Variants in ELMO1 observed in about 807,000 individuals in gnomAD.
The protein encoded by ELMO1 is engulfment and cell motility 1, also known as engulfment and cell motility protein 1.
In ELMO1, 26 loss-of-function variants were observed where a neutral mutation model predicts 98.9. The ratio of observed to expected loss-of-function variants is 0.26; its 90% CI spans 0.19 to 0.36. The LOEUF (loss-of-function observed/expected upper bound fraction) is 0.36, where lower values mean the gene tolerates loss of function less well. Among genes scored for constraint, ELMO1 ranks in the 10% least tolerant of loss-of-function variants. The pLI, the probability that ELMO1 is intolerant of heterozygous loss-of-function variation, is 1.00. For missense variants in ELMO1, 627 were observed against 935.2 expected (o/e 0.67, Z 4.30); for synonymous variants, 346 against 346.0 (o/e 1.00, Z 0.00).
At chr7:37,430,619 T>A (rs1804891996) in intron 1 of ELMO1, among the ~76,000 whole-genome samples, 1 of 152,250 alleles carries the variant, frequency 6.6e-6, no homozygotes, top group South Asian at 2.1e-4. Context: ...AGCTCACCGG[T>A]GTCTCCTAAT....
chr7:36,900,439 C>T (rs1270443355), intron 16 of ELMO1, among the ~76,000 whole-genome samples: 2 of 152,206 alleles, frequency 1.3e-5, no homozygotes, highest in Non-Finnish European at 1.5e-5. Flanking sequence ...CACCTTTGAT[C>T]TGTAGATTGA....
chr7:36,996,554 C>G (rs1232423073), intron 16 of ELMO1, among the ~76,000 whole-genome samples: 2 of 152,124 alleles, frequency 1.3e-5, no homozygotes, highest in Non-Finnish European at 2.9e-5. Flanking sequence ...AGCATTGCCT[C>G]AAGGTAGCCA....
chr7:37,031,304 T>C (rs1019806329), intron 15 of ELMO1, among the ~76,000 whole-genome samples: 4 of 152,162 alleles, frequency 2.6e-5, no homozygotes, highest in African/African-American at 9.7e-5. Context: ...CTGAATGAGA[T>C]GGTTTCTGGG....
chr7:37,386,517 C>T lies in ELMO1; in HGVS notation c.-73-43754G>A, dbSNP rs952931287. 9.9e-5 allele frequency among the ~76,000 whole-genome samples: 15 copies of T among 152,220 alleles called. No homozygotes were observed. In the South Asian group the frequency reaches 1.5e-3, roughly 15 times the overall value. The stretch of plus-strand genomic sequence containing the variant: ...ATTGTCCCTAAGTGTTAAATCAGGA[C>T]GCCACAGGAGAGAGCAGCTAAACTA... On this transcript the variant is annotated intron_variant, in intron 1 of 21. Coordinates refer to ENST00000310758, the MANE Select transcript of ELMO1 (RefSeq NM_014800.11).
intron 2 of ELMO1, among the ~76,000 whole-genome samples, chr7:37,317,908 T>C (rs12669712): frequency 0.066 from 10,047 of 152,270 alleles, 474 homozygotes; most frequent in African/African-American, 0.13. Context: ...ATATATTCCA[T>C]GCCTGTGTCA....
At chr7:37,387,177 T>C (rs1802842241) in intron 1 of ELMO1, among the ~76,000 whole-genome samples, 2 of 152,238 alleles carry the variant, frequency 1.3e-5, no homozygotes, top group African/African-American at 2.4e-5. Flanking sequence ...TGGCCTATCC[T>C]GAAAAGAAGT....
intron 1 of ELMO1, among the ~76,000 whole-genome samples, chr7:37,394,316 T>C (rs1803200646): frequency 1.3e-5 from 2 of 152,062 alleles, no homozygotes; most frequent in Admixed American, 1.3e-4. Context: ...AAAGAAGCTG[T>C]AAATAAGACC....
At chr7:37,121,483 A>C (rs1786034564) in intron 14 of ELMO1, among the ~76,000 whole-genome samples, 1 of 152,238 alleles carries the variant, frequency 6.6e-6, no homozygotes, top group South Asian at 2.1e-4. Flanking sequence ...TAAATGCACA[A>C]GCTTCAGTAG....
chr7:37,346,954 G>A (rs1801037485), intron 1 of ELMO1, among the ~76,000 whole-genome samples: 1 of 152,190 alleles, frequency 6.6e-6, no homozygotes, highest in South Asian at 2.1e-4. Flanking sequence ...AGTCAGAGGG[G>A]AGCTGTACAC....
chr7:37,264,967 T>C (rs1796164826), intron 5 of ELMO1, among the ~76,000 whole-genome samples: 1 of 152,176 alleles, frequency 6.6e-6, no homozygotes. Flanking sequence ...AAATGTACGC[T>C]CAATGTTGCC....
chr7:37,362,779 C>T (rs577049632), intron 1 of ELMO1, among the ~76,000 whole-genome samples: 2 of 152,226 alleles, frequency 1.3e-5, no homozygotes, highest in African/African-American at 2.4e-5. Context: ...CACCTTTACA[C>T]CAGATTTCCT....
chr7:37,009,554 G>C (rs1216415482), intron 16 of ELMO1, among the ~76,000 whole-genome samples: 5 of 152,204 alleles, frequency 3.3e-5, no homozygotes, highest in Non-Finnish European at 7.3e-5. Flanking sequence ...GCGGGCTGCA[G>C]AAGCTATTCC....
intron 11 of ELMO1, among the ~76,000 whole-genome samples, chr7:37,214,027 C>T (rs772310423): frequency 5.3e-5 from 8 of 152,222 alleles, no homozygotes; most frequent in Non-Finnish European, 1.0e-4. Context: ...AATTACTTTA[C>T]TCACTGTTAA....
rs186506853 is a variant in ELMO1 at position 36,939,058 on chromosome 7, A to T, written c.1438-44041T>A. Among the ~76,000 whole-genome samples, 437 of 150,066 alleles carry T rather than the reference A, an allele frequency of 2.9e-3. 4 individuals are homozygous for T. Among genetic ancestry groups the T allele is most frequent in the African/African-American group, 9.9e-3 (407 of 41,044 alleles). Reference sequence around the variant, plus strand: ...AACAAAGCTATAGACATTGCTAATTAAAAAAAAAATGAACATGTATTTACC... The same window carrying T: ...AACAAAGCTATAGACATTGCTAATTTAAAAAAAAATGAACATGTATTTACC... On this transcript the variant is annotated intron_variant, in intron 16 of 21. Transcript: ENST00000310758.
intron 4 of ELMO1, among the ~76,000 whole-genome samples, chr7:37,280,599 T>C (rs1797083650): frequency 6.6e-6 from 1 of 151,558 alleles, no homozygotes; most frequent in Non-Finnish European, 1.5e-5. Context: ...TATGAAAAAA[T>C]GCTCAACATC....
chr7:37,145,521 A>G (rs535040934), intron 13 of ELMO1, among the ~76,000 whole-genome samples: 5 of 152,376 alleles, frequency 3.3e-5, no homozygotes, highest in African/African-American at 1.2e-4. Flanking sequence ...TCCGCAGGGA[A>G]GTAGCAAACT....
chr7:37,195,758 C>T (rs1791928047), intron 13 of ELMO1, among the ~76,000 whole-genome samples: 1 of 152,254 alleles, frequency 6.6e-6, no homozygotes. Context: ...AGCTGTACTG[C>T]AGAGGCCTCC....
chr7:37,292,365 G>T (rs368585888), intron 4 of ELMO1, among the ~76,000 whole-genome samples: 6,020 of 83,060 alleles, frequency 0.072, 741 homozygotes, highest in Admixed American at 0.1. Flanking sequence ...CTGCCCGGCC[G>T]CCACCCCGTC....
intron 1 of ELMO1, among the ~76,000 whole-genome samples, chr7:37,346,771 GCC>G (rs1801028741): frequency 6.6e-6 from 1 of 152,212 alleles, no homozygotes; most frequent in South Asian, 2.1e-4. Context: ...TAAGTACCTT[GCC>G]CCCACCTCTA....
Sources: allele counts gnomAD v4.1 joint callset (sites outside exome capture counted in the v4.1 genomes callset), GRCh38; gene constraint gnomAD v4.1.1; transcripts MANE v1.5; gene names NCBI Gene and HGNC (gene_info 2026-07-23, HGNC 2026-07-21).